PRKCA: variants seen among roughly 807,000 people sequenced by gnomAD.
PRKCA encodes protein kinase C alpha type.
In PRKCA, 27 loss-of-function variants were observed where a neutral mutation model predicts 87.0. The ratio of observed to expected loss-of-function variants is 0.31; its 90% CI spans 0.23 to 0.43. PRKCA has a LOEUF of 0.43. Among genes scored for constraint, PRKCA ranks in the 20% least tolerant of loss-of-function variants. The pLI, the probability that PRKCA is intolerant of heterozygous loss-of-function variation, is 1.00. For missense variants in PRKCA, 518 were observed against 852.3 expected, an observed-to-expected ratio of 0.61 and a Z score of 4.88; for synonymous variants, 329 against 311.1, an observed-to-expected ratio of 1.06 and a Z score of -0.61.
intron 3 of PRKCA, among the ~76,000 whole-genome samples, chr17:66,593,736 ACT>A (rs1969886137): frequency 6.6e-6 from 1 of 151,926 alleles, no homozygotes; most frequent in African/African-American, 2.4e-5. Flanking sequence ...ATCTTGCCAG[ACT>A]CTCCCTATAT....
At chr17:66,565,068 G>T (rs768812747) in intron 3 of PRKCA, among the ~76,000 whole-genome samples, 5 of 152,172 alleles carry the variant, frequency 3.3e-5, no homozygotes, top group African/African-American at 1.2e-4. Flanking sequence ...ATATGTCCCG[G>T]TTCTCATTCT....
At chr17:66,324,046 C>T (rs1598591079) in intron 2 of PRKCA, among the ~76,000 whole-genome samples, 1 of 151,692 alleles carries the variant, frequency 6.6e-6, no homozygotes, top group Non-Finnish European at 1.5e-5. Flanking sequence ...TAATTTCCAA[C>T]ACAAGATTAA....
chr17:66,760,220 C>G (rs1217009839), intron 13 of PRKCA, among the ~76,000 whole-genome samples: 1 of 152,162 alleles, frequency 6.6e-6, no homozygotes, highest in Non-Finnish European at 1.5e-5. Flanking sequence ...TCTCTCAGAC[C>G]ACAATAGACC....
At chr17:66,589,956 G>A (rs889900631) in intron 3 of PRKCA, among the ~76,000 whole-genome samples, 1 of 152,164 alleles carries the variant, frequency 6.6e-6, no homozygotes, top group East Asian at 1.9e-4. Context: ...AATAGGGTTT[G>A]TGCTCCTATG....
chr17:66,650,534 G>A lies in PRKCA; in HGVS notation c.529+5023G>A, dbSNP rs117783112. Among the ~76,000 whole-genome samples the A allele has an allele frequency of 3.7e-3, 562 of 152,244 alleles. 2 individuals are homozygous for A. The highest frequency in any genetic ancestry group is 0.014 in the Middle Eastern group (4 of 294). The stretch of plus-strand genomic sequence containing the variant: ...TGCTTTAGAGCTGTTTCAGGAGCAC[G>A]TCTCTCCCACAGATAGATTATTCTG... On this transcript the variant is annotated intron_variant, in intron 5 of 16. Transcript: ENST00000413366.
intron 2 of PRKCA, among the ~76,000 whole-genome samples, chr17:66,406,555 CA>C (rs1427886495): frequency 8.4e-6 from 1 of 119,414 alleles, no homozygotes; most frequent in Non-Finnish European, 1.7e-5. Context: ...GCTGCCCAGG[CA>C]GCTTCATGTA....
chr17:66,566,479 G>GTTTTTTTT lies in PRKCA; in HGVS notation c.288+70196_288+70197insTTTTTTTT, dbSNP rs368602635. Among the ~76,000 whole-genome samples, 625 of 74,534 alleles carry GTTTTTTTT rather than the reference G, an allele frequency of 8.4e-3. 24 individuals are homozygous for GTTTTTTTT. The highest frequency in any genetic ancestry group is 0.014 in the South Asian group (25 of 1,808). 48.9% of individuals were successfully genotyped at this position (74,534 alleles called of 152,430 possible). ...TTGTGAAGAACTGTTGTTGTTTTTT[G>GTTTTTTTT]GTTTTTTTTTTTTTTTTTTTTTTGC... On this transcript the variant is annotated intron_variant, in intron 3 of 16. Transcript: ENST00000413366.
intron 2 of PRKCA, among the ~76,000 whole-genome samples, chr17:66,336,811 G>A (rs898053511): frequency 5.8e-5 from 8 of 137,622 alleles, no homozygotes; most frequent in African/African-American, 8.1e-5. Context: ...TGTTTGAGAC[G>A]GAGTTTCGCT....
At chr17:66,472,662 T>C (rs1348868611) in intron 2 of PRKCA, among the ~76,000 whole-genome samples, 1 of 152,180 alleles carries the variant, frequency 6.6e-6, no homozygotes, top group African/African-American at 2.4e-5. Context: ...GTAACATCCC[T>C]TTCCTGCCTT....
At chr17:66,459,778 G>A (rs544184738) in intron 2 of PRKCA, among the ~76,000 whole-genome samples, 45 of 152,192 alleles carry the variant, frequency 3.0e-4, no homozygotes, top group South Asian at 1.0e-3. Context: ...GCTCTTTTTC[G>A]TTCAGTGCGT....
intron 3 of PRKCA, among the ~76,000 whole-genome samples, chr17:66,639,071 A>G (rs1971221493): frequency 6.6e-6 from 1 of 152,220 alleles, no homozygotes; most frequent in Non-Finnish European, 1.5e-5. Context: ...TATTATGTCT[A>G]CAGTAGATCT....
chr17:66,364,646 T>C (rs1483364799), intron 2 of PRKCA, among the ~76,000 whole-genome samples: 4 of 152,102 alleles, frequency 2.6e-5, no homozygotes, highest in Admixed American at 6.6e-5. Context: ...GAGGGTGTGA[T>C]TGATGCCTGG....
At chr17:66,787,060 C>A in intron 15 of PRKCA, 86 bp downstream of exon 15, 1 of 1,040,204 alleles carries the variant, frequency 9.6e-7, no homozygotes, top group Non-Finnish European at 1.5e-6. Flanking sequence ...AGAGAGATGG[C>A]AGAAACACCA....
In PRKCA at chr17:66,554,880, C is replaced by CTTTTTTTTT. The variant is rs565435672; in HGVS notation, c.288+58605_288+58613dup. Among the ~76,000 whole-genome samples the CTTTTTTTTT allele has an allele frequency of 7.2e-5, 10 of 138,544 alleles. 1 individual carries two copies. The highest frequency in any genetic ancestry group is 2.2e-4 in the Admixed American group (3 of 13,558). 90.9% of individuals were successfully genotyped at this position (138,544 alleles called of 152,430 possible). On this transcript the variant is annotated intron_variant, in intron 3 of 16. Coordinates refer to ENST00000413366, the MANE Select transcript of PRKCA (RefSeq NM_002737.3). ...TGTCACCTTAAGTAGATTGTAAATTCTTTTTTTTTTTTTTTTAAAGACAGG... is the reference window on the plus strand; with the variant it reads ...TGTCACCTTAAGTAGATTGTAAATTCTTTTTTTTTTTTTTTTTTTTTTTTTAAAGACAGG...
chr17:66,478,616 G>A (rs1202645941), intron 2 of PRKCA, among the ~76,000 whole-genome samples: 1 of 152,060 alleles, frequency 6.6e-6, no homozygotes, highest in Non-Finnish European at 1.5e-5. Flanking sequence ...CATTGCAATA[G>A]CATTGTTATG....
At chr17:66,594,607 G>A (rs1243907033) in intron 3 of PRKCA, among the ~76,000 whole-genome samples, 1 of 94,990 alleles carries the variant, frequency 1.1e-5, no homozygotes, top group Admixed American at 1.0e-4. Context: ...TGTGCAACAT[G>A]TGGGTTTTTT....
intron 5 of PRKCA, among the ~76,000 whole-genome samples, chr17:66,661,298 T>C (rs925749496): frequency 7.6e-5 from 4 of 52,436 alleles, no homozygotes; most frequent in Non-Finnish European, 1.4e-4. Context: ...AGGGCAGATA[T>C]GGGGTGGGGT....
chr17:66,510,810 A>G (rs1195565647), intron 3 of PRKCA, among the ~76,000 whole-genome samples: 2 of 152,118 alleles, frequency 1.3e-5, no homozygotes, highest in South Asian at 2.1e-4. Context: ...CAGTGGCCCA[A>G]TCATGGCTCA....
chr17:66,762,578 T>C (rs983363458), intron 13 of PRKCA, among the ~76,000 whole-genome samples: 7 of 152,176 alleles, frequency 4.6e-5, no homozygotes, highest in East Asian at 1.9e-4. Flanking sequence ...AGTATCTCGA[T>C]TGAGAGCTGG....
Sources: allele counts gnomAD v4.1 joint callset (sites outside exome capture counted in the v4.1 genomes callset), GRCh38; gene constraint gnomAD v4.1.1; transcripts MANE v1.5; gene names NCBI Gene and HGNC (gene_info 2026-07-23, HGNC 2026-07-21).